The following SLC36A1 variants were observed in gnomAD, a reference collection of about 807,000 sequenced individuals.
SLC36A1 encodes the protein solute carrier family 36 member 1.
A neutral mutation model predicts 47.5 loss-of-function variants in SLC36A1; 30 were observed. The ratio of observed to expected loss-of-function variants is 0.63; its 90% CI spans 0.47 to 0.86. The LOEUF is 0.86. Ranked by LOEUF, SLC36A1 falls within the 40% of genes least tolerant of loss-of-function variation. The pLI, the probability that SLC36A1 is intolerant of heterozygous loss-of-function variation, is 0.00. For missense variants in SLC36A1, 517 were observed against 606.0 expected (o/e 0.85, Z 1.54); for synonymous variants, 255 against 249.7 (o/e 1.02, Z -0.20).
At chr5:151,352,060 C>T in the SLC36A1 span, among the ~76,000 whole-genome samples, 1 of 152,182 alleles carries the variant, frequency 6.6e-6, no homozygotes, top group East Asian at 1.9e-4. Flanking sequence ...TGTCCTTTCC[C>T]TCCTTGGATA....
the SLC36A1 span, among the ~76,000 whole-genome samples, chr5:151,372,189 T>C: frequency 2.0e-5 from 3 of 152,332 alleles, no homozygotes; most frequent in Non-Finnish European, 4.4e-5. Context: ...AGTCTCTCAG[T>C]TGTTGTCCTG....
At chr5:151,368,515 C>T in the SLC36A1 span, among the ~76,000 whole-genome samples, 1,343 of 152,286 alleles carry the variant, frequency 8.8e-3, 18 homozygotes, top group African/African-American at 0.031. Flanking sequence ...ACCATATACC[C>T]AAGAAAAAGT....
chr5:151,458,476 C>T (rs1054926299), intron 1 of SLC36A1, among the ~76,000 whole-genome samples: 1 of 151,978 alleles, frequency 6.6e-6, no homozygotes, highest in African/African-American at 2.4e-5. Context: ...TCATTTTCCC[C>T]CACTCCTCCC....
chr5:151,506,188 G>T, the SLC36A1 span: 1 of 1,372,150 alleles, frequency 7.3e-7, no homozygotes, highest in Non-Finnish European at 9.6e-7. Context: ...CTAGCGAGTG[G>T]TGGAGATGGG....
chr5:151,346,974 G>C, the SLC36A1 span, among the ~76,000 whole-genome samples: 2 of 152,086 alleles, frequency 1.3e-5, no homozygotes, highest in Non-Finnish European at 2.9e-5. Context: ...TAACATCGCT[G>C]GCCAGGAACA....
At chr5:151,524,723 C>T in the SLC36A1 span, among the ~76,000 whole-genome samples, 9 of 152,292 alleles carry the variant, frequency 5.9e-5, no homozygotes, top group East Asian at 1.5e-3. Context: ...GCCTCATTCC[C>T]ACCCCTGCTC....
the SLC36A1 span, among the ~76,000 whole-genome samples, chr5:151,353,253 A>C: frequency 4.6e-5 from 7 of 152,332 alleles, no homozygotes; most frequent in South Asian, 1.5e-3. Flanking sequence ...CAGTCCCTTC[A>C]TTCTACAAAT....
chr5:151,421,252 C>CTT, the SLC36A1 span, among the ~76,000 whole-genome samples: 1 of 116,480 alleles, frequency 8.6e-6, no homozygotes, highest in South Asian at 2.9e-4. Flanking sequence ...TCTCTTTCTT[C>CTT]TTTTTTTTTT....
the SLC36A1 span, chr5:151,510,086 A>C: frequency 6.2e-7 from 1 of 1,614,164 alleles, no homozygotes; most frequent in Non-Finnish European, 8.5e-7. Context: ...TGCAAGTTCC[A>C]CCTTCCAGGC....
rs776401064 is a variant in SLC36A1 at position 151,458,801 on chromosome 5, G to A, written c.9G>A (p.Thr3=). ...CTGTCCCCCCAGCTGCCATGTCCAC[G>A]CAGAGACTTCGGAATGAAGACTACC... MS[T]QRLRNEDYHD... Residue 3 remains threonine, a synonymous_variant, in exon 2 of 11, where the codon ACG becomes ACA. Transcript: ENST00000243389. The A allele has an allele frequency of 1.7e-5, 27 of 1,613,708 alleles. No homozygotes were observed. The East Asian group carries it at 2.9e-4, about 17-fold the overall frequency.
the SLC36A1 span, among the ~76,000 whole-genome samples, chr5:151,358,911 T>C: frequency 1.2e-4 from 18 of 145,140 alleles, no homozygotes; most frequent in South Asian, 2.1e-4. Flanking sequence ...GAAGCGGAGC[T>C]TGCAGTGAGC....
chr5:151,494,300 A>T (rs780939332), downstream of SLC36A1, among the ~76,000 whole-genome samples: 4 of 152,228 alleles, frequency 2.6e-5, no homozygotes, highest in African/African-American at 7.2e-5. Flanking sequence ...TTTTAAAAAA[A>T]ATGGAGTATA....
At chr5:151,446,592 C>T (rs1752935835), upstream of SLC36A1, among the ~76,000 whole-genome samples, 1 of 151,048 alleles carries the variant, frequency 6.6e-6, no homozygotes, top group African/African-American at 2.4e-5. Flanking sequence ...AAGATTCCTC[C>T]TGTCATTGAT....
chr5:151,486,379 A>G (rs1410150294), intron 10 of SLC36A1, among the ~76,000 whole-genome samples: 1 of 152,172 alleles, frequency 6.6e-6, no homozygotes, highest in Non-Finnish European at 1.5e-5. Flanking sequence ...TCCAAACCAT[A>G]TTACCTGGTA....
chr5:151,409,247 G>A, the SLC36A1 span, among the ~76,000 whole-genome samples: 2 of 151,990 alleles, frequency 1.3e-5, no homozygotes, highest in Non-Finnish European at 2.9e-5. Flanking sequence ...TGATCCACCA[G>A]CCTCAGCCTC....
At chr5:151,507,692 A>G in the SLC36A1 span, 1 of 1,302,360 alleles carries the variant, frequency 7.7e-7, no homozygotes, top group Non-Finnish European at 1.0e-6. Context: ...TATGGGATAG[A>G]GACTGCTCCC....
At chr5:151,365,730 A>G in the SLC36A1 span, among the ~76,000 whole-genome samples, 1 of 152,264 alleles carries the variant, frequency 6.6e-6, no homozygotes, top group Non-Finnish European at 1.5e-5. Flanking sequence ...TGTATGAGTT[A>G]GCACTAGTTC....
At chr5:151,400,381 C>T in the SLC36A1 span, among the ~76,000 whole-genome samples, 2 of 152,114 alleles carry the variant, frequency 1.3e-5, no homozygotes, top group African/African-American at 4.8e-5. Flanking sequence ...GGTATATGTA[C>T]CACTTTTTTA....
chr5:151,515,226 C>G, the SLC36A1 span, among the ~76,000 whole-genome samples: 2 of 152,168 alleles, frequency 1.3e-5, no homozygotes, highest in East Asian at 3.8e-4. Context: ...GCATACAATA[C>G]TCCCTGGGTT....
Sources: gnomAD v4.1 joint callset for allele counts (sites outside exome capture counted in the v4.1 genomes callset) on GRCh38, gnomAD v4.1.1 for gene constraint, MANE v1.5 for transcripts, NCBI Gene and HGNC (gene_info 2026-07-23, HGNC 2026-07-21) for gene names.